The following RNF212 variants were observed in gnomAD, a reference collection of about 807,000 sequenced individuals.
RNF212 encodes ring finger protein 212, also known as probable E3 SUMO-protein ligase RNF212.
Under a neutral mutation model 34.7 loss-of-function variants are expected in RNF212, and 33 were observed. The observed-to-expected ratio is 0.95, with a 90% CI of 0.72 to 1.27. The LOEUF (loss-of-function observed/expected upper bound fraction) is 1.27. RNF212 is among the 50% of genes most tolerant of loss of function. The probability of loss-of-function intolerance (pLI) is 0.00; values close to 1 mark genes in which losing one functional copy is unlikely to be tolerated. For synonymous variants in RNF212, 140 were observed against 136.1 expected (o/e 1.03, Z -0.20); for missense variants, 377 against 362.2 (o/e 1.04, Z -0.33).
chr4:1,099,251 G>A (rs1263958312), intron 2 of RNF212, among the ~76,000 whole-genome samples: 1 of 152,190 alleles, frequency 6.6e-6, no homozygotes, highest in Non-Finnish European at 1.5e-5. Flanking sequence ...CTGTGAAAAT[G>A]TGCTTCAAGA....
chr4:1,065,998 C>G (rs1718068104), intron 3 of RNF212, among the ~76,000 whole-genome samples: 1 of 151,918 alleles, frequency 6.6e-6, no homozygotes, highest in African/African-American at 2.4e-5. Context: ...CTCTGTGTTC[C>G]AAGTAGCTAG....
chr4:1,092,478 C>A (rs1350885431), intron 3 of RNF212, among the ~76,000 whole-genome samples: 1 of 151,718 alleles, frequency 6.6e-6, no homozygotes, highest in Non-Finnish European at 1.5e-5. Flanking sequence ...GCCACACAGG[C>A]CTGCAGCCTC....
chr4:1,073,470 C>T, intron 9 of RNF212, 129 bp downstream of exon 9: 1 of 775,822 alleles, frequency 1.3e-6, no homozygotes, highest in Non-Finnish European at 2.2e-6. Flanking sequence ...ATGTAGCCTC[C>T]CATGCACCGG....
At chr4:1,094,897 A>G (rs1314940740) in intron 3 of RNF212, among the ~76,000 whole-genome samples, 6 of 152,208 alleles carry the variant, frequency 3.9e-5, no homozygotes, top group Non-Finnish European at 7.3e-5. Context: ...AAACAATAAA[A>G]CAGACCAAAT....
At chr4:1,068,586 TG>T (rs1407015757), downstream of RNF212, among the ~76,000 whole-genome samples, 1 of 152,248 alleles carries the variant, frequency 6.6e-6, no homozygotes, top group African/African-American at 2.4e-5. Flanking sequence ...TGTTATGTTT[TG>T]TAAGGTAATG....
At chr4:1,102,415 A>G (rs773669548) in intron 2 of RNF212, among the ~76,000 whole-genome samples, 3 of 152,126 alleles carry the variant, frequency 2.0e-5, no homozygotes, top group Non-Finnish European at 2.9e-5. Context: ...TGAATACTGT[A>G]TTTTTGATCT....
chr4:1,108,510 CACTT>C (rs1725166685), intron 1 of RNF212, 106 bp from the exon 2 acceptor site: 3 of 534,462 alleles, frequency 5.6e-6, no homozygotes, highest in South Asian at 4.7e-5. Flanking sequence ...AGGATTGTAT[CACTT>C]ACAGGTTTTC....
rs765360865 is a variant in RNF212, at chr4:1,072,539, A to T, written c.*335T>A. On this transcript the variant is annotated 3_prime_UTR_variant, in exon 10 of 10. Coordinates refer to ENST00000433731, the MANE Select transcript of RNF212 (RefSeq NM_001131034.4). ...ATGGGAAATCTGTACCTTCCTTTCA[A>T]TTTTTCTGTGAACCTAAAACTGCTC... is the stretch of plus-strand genomic sequence containing the variant. The T allele has an allele frequency of 3.3e-5, 14 of 424,362 alleles. No individual in the cohort carries two copies. Among genetic ancestry groups the T allele is most frequent in the Admixed American group, 5.2e-5 (1 of 19,066 alleles). The allele number at this position is 424,362 out of a possible 1,614,324, so 26.3% of individuals were successfully genotyped here.
At chr4:1,096,931 C>T in intron 2 of RNF212, 92 bp from the exon 3 acceptor site, 1 of 935,896 alleles carries the variant, frequency 1.1e-6, no homozygotes, top group Non-Finnish European at 1.7e-6. Context: ...CTAGAATTAG[C>T]TATAGATGAC....
chr4:1,110,061 T>C (rs920449177), intron 1 of RNF212, among the ~76,000 whole-genome samples: 3 of 151,444 alleles, frequency 2.0e-5, no homozygotes, highest in Admixed American at 6.6e-5. Flanking sequence ...CAGCTAGGAG[T>C]CATGCAGTAA....
chr4:1,067,867 C>CCAA (rs1253775094), downstream of RNF212, among the ~76,000 whole-genome samples: 1 of 60,672 alleles, frequency 1.6e-5, no homozygotes, highest in African/African-American at 5.2e-5. Context: ...GACTCTGTCT[C>CCAA]AAAAAAAAAA....
In RNF212 at chr4:1,108,121, G is replaced by A. The variant is rs368264047; in HGVS notation, c.171+222C>T. On this transcript the variant is annotated intron_variant, in intron 2 of 9. Transcript: ENST00000433731. ...ACTTTCATTTCCAGGAACACAGCAC[G>A]ATTCAACAACCTAGGAATAAGGTCA... 6.0e-4 allele frequency among the ~76,000 whole-genome samples: 91 copies of A among 152,248 alleles called. 1 individual carries two copies. In the South Asian group the frequency reaches 0.018, roughly 30 times the overall value.
Position 1,073,564 on chromosome 4 carries a change from T to C in RNF212, c.574+35A>G, listed in dbSNP as rs560590499. The stretch of plus-strand genomic sequence containing the variant: ...CAGGGAATGCATTTTAATCGATGCA[T>C]GTATCGGTCTGAGGTTACAGGACAT... On this transcript the variant is annotated intron_variant, in intron 9 of 9. Transcript: ENST00000433731. 2.9e-5 allele frequency: 41 copies of C among 1,390,392 alleles called. 1 individual carries two copies. In the South Asian group the frequency reaches 4.7e-4, roughly 16 times the overall value. 86.1% of individuals were successfully genotyped at this position (1,390,392 alleles called of 1,614,324 possible).
At chr4:1,057,895 C>T (rs2153031293) in intron 4 of RNF212, among the ~76,000 whole-genome samples, 1 of 152,280 alleles carries the variant, frequency 6.6e-6, no homozygotes, top group East Asian at 1.9e-4. Context: ...TGAAACCCCT[C>T]TACTAAAAAT....
intron 8 of RNF212, among the ~76,000 whole-genome samples, chr4:1,078,894 CCAACACAGGGT>C (rs1436316015): frequency 4.7e-5 from 7 of 149,258 alleles, no homozygotes; most frequent in Non-Finnish European, 7.4e-5. Flanking sequence ...CGACATGGGA[CCAACACAGGGT>C]CAACACAGGA....
chr4:1,109,469 T>C (rs1425492350), intron 1 of RNF212, among the ~76,000 whole-genome samples: 1 of 152,200 alleles, frequency 6.6e-6, no homozygotes, highest in Admixed American at 6.5e-5. Flanking sequence ...GGTCCAAACC[T>C]GAACAAGCCC....
chr4:1,096,895 C>A, intron 2 of RNF212, 56 bp from the exon 3 acceptor site: 1 of 1,342,228 alleles, frequency 7.5e-7, no homozygotes, highest in Non-Finnish European at 1.1e-6. Flanking sequence ...GCTTCTGGCC[C>A]CCAGTTAAAA....
intron 4 of RNF212, among the ~76,000 whole-genome samples, chr4:1,057,624 C>T (rs760830577): frequency 4.0e-4 from 61 of 152,194 alleles, no homozygotes; most frequent in Non-Finnish European, 8.4e-4. Context: ...GCCCCAAAAA[C>T]CAAACATATT....
chr4:1,074,981 T>A (rs1719044737), intron 8 of RNF212, among the ~76,000 whole-genome samples: 1 of 152,200 alleles, frequency 6.6e-6, no homozygotes, highest in South Asian at 2.1e-4. Flanking sequence ...CACCGTCCCT[T>A]CGAACTACAT....
Sources: gnomAD v4.1 joint callset for allele counts (sites outside exome capture counted in the v4.1 genomes callset) on GRCh38, gnomAD v4.1.1 for gene constraint, MANE v1.5 for transcripts, NCBI Gene and HGNC (gene_info 2026-07-23, HGNC 2026-07-21) for gene names.